Variants in SLC9A7 observed in about 807,000 individuals in gnomAD.
SLC9A7 encodes the protein solute carrier family 9 member A7, also known as sodium/hydrogen exchanger 7.
Under a neutral mutation model 52.6 loss-of-function variants are expected in SLC9A7, and 19 were observed. The ratio of observed to expected loss-of-function variants is 0.36; its 90% confidence interval spans 0.25 to 0.53. The LOEUF (loss-of-function observed/expected upper bound fraction) is 0.53, where lower values mean the gene tolerates loss of function less well. SLC9A7 is among the 20% of genes least tolerant of loss of function. SLC9A7 has a pLI of 0.91. For missense variants in SLC9A7, 455 were observed against 597.9 expected, an observed-to-expected ratio of 0.76 and a Z score of 2.49; for synonymous variants, 226 against 252.1, an observed-to-expected ratio of 0.90 and a Z score of 0.98.
intron 1 of SLC9A7, among the ~76,000 whole-genome samples, chrX:46,702,535 GT>G (rs1242622841): frequency 1.8e-5 from 2 of 111,749 alleles, no homozygotes; most frequent in Non-Finnish European, 3.8e-5. Flanking sequence ...ACATGCAGTA[GT>G]TGGTTTTCTG....
chrX:46,711,939 C>CACACACACACACA (rs1944697140), intron 1 of SLC9A7, among the ~76,000 whole-genome samples: 1 of 109,413 alleles, frequency 9.1e-6, no homozygotes, highest in African/African-American at 3.3e-5. Flanking sequence ...CACACACACA[C>CACACACACACACA]TTCCACTGAT....
At chrX:46,614,305 T>C (rs1320646517) in intron 15 of SLC9A7, among the ~76,000 whole-genome samples, 3 of 112,007 alleles carry the variant, frequency 2.7e-5, no homozygotes, top group South Asian at 3.7e-4. Context: ...TAGCCTACAG[T>C]TGGGCAACAT....
intron 7 of SLC9A7, among the ~76,000 whole-genome samples, chrX:46,655,110 G>A (rs1393141301): frequency 1.9e-5 from 2 of 106,004 alleles, no homozygotes; most frequent in African/African-American, 3.5e-5. Flanking sequence ...TCAGCCTCCC[G>A]ATTAGCAGGG....
chrX:46,665,794 G>GGC (rs1261905213), intron 5 of SLC9A7, among the ~76,000 whole-genome samples: 2 of 110,627 alleles, frequency 1.8e-5, no homozygotes, highest in Non-Finnish European at 3.8e-5. Context: ...GCCTAGGCTG[G>GGC]AGTGCAGTGG....
chrX:46,664,222 A>G (rs1943880231), intron 5 of SLC9A7, among the ~76,000 whole-genome samples: 1 of 111,207 alleles, frequency 9.0e-6, no homozygotes, highest in African/African-American at 3.3e-5. Context: ...TGCAGAAAGC[A>G]TTACCTCTTC....
intron 1 of SLC9A7, among the ~76,000 whole-genome samples, chrX:46,729,321 T>C (rs190312109): frequency 1.2e-4 from 13 of 112,643 alleles, no homozygotes; most frequent in Admixed American, 1.1e-3. Flanking sequence ...TATTAGATTA[T>C]AACATAATTC....
chrX:46,660,304 G>A (rs1943790481), intron 7 of SLC9A7, among the ~76,000 whole-genome samples: 1 of 111,605 alleles, frequency 9.0e-6, no homozygotes, highest in African/African-American at 3.3e-5. Context: ...CAGGACATAG[G>A]CATGGGTAAG....
chrX:46,623,376 G>A (rs1569502713), intron 14 of SLC9A7, among the ~76,000 whole-genome samples: 1 of 111,601 alleles, frequency 9.0e-6, no homozygotes, highest in African/African-American at 3.3e-5. Context: ...ACCTGGGTTC[G>A]CACCTCATGT....
intron 5 of SLC9A7, among the ~76,000 whole-genome samples, chrX:46,666,051 G>A (rs1330438518): frequency 1.8e-5 from 2 of 111,479 alleles, no homozygotes; most frequent in Admixed American, 1.9e-4. Context: ...TCAGGGACAA[G>A]GATTCTTATT....
At chrX:46,720,447 C>T (rs749033825) in intron 1 of SLC9A7, among the ~76,000 whole-genome samples, 1 of 110,567 alleles carries the variant, frequency 9.0e-6, no homozygotes, top group Non-Finnish European at 1.9e-5. Flanking sequence ...TAACTATCCC[C>T]CCTGCTTCTC....
At chrX:46,740,608 A>G (rs1760527177) in intron 1 of SLC9A7, among the ~76,000 whole-genome samples, 2 of 111,489 alleles carry the variant, frequency 1.8e-5, no homozygotes, top group South Asian at 3.7e-4. Flanking sequence ...GTATATGTAT[A>G]CATTATAATG....
chrX:46,701,388 C>G (rs889713535), intron 1 of SLC9A7, among the ~76,000 whole-genome samples: 59 of 110,964 alleles, frequency 5.3e-4, no homozygotes, highest in African/African-American at 1.8e-3. Flanking sequence ...GAGTTTGAGA[C>G]CAGCCTGGCC....
At chrX:46,626,480 G>A (rs1270052993) in intron 14 of SLC9A7, among the ~76,000 whole-genome samples, 1 of 112,319 alleles carries the variant, frequency 8.9e-6, no homozygotes, top group Non-Finnish European at 1.9e-5. Flanking sequence ...TTGCCATGTT[G>A]GCCAGGCTGG....
intron 1 of SLC9A7, among the ~76,000 whole-genome samples, chrX:46,699,168 G>A (rs1383979305): frequency 8.9e-6 from 1 of 112,049 alleles, no homozygotes; most frequent in African/African-American, 3.2e-5. Context: ...TCAATTTTAA[G>A]TAGTTTCCTC....
chrX:46,684,119 T>C (rs1011502501), intron 1 of SLC9A7, among the ~76,000 whole-genome samples: 87 of 112,582 alleles, frequency 7.7e-4, no homozygotes, highest in African/African-American at 2.6e-3. Flanking sequence ...AACTTAAAAA[T>C]GAGTTTCTTA....
In SLC9A7 at chrX:46,671,748, C is replaced by T. The variant is rs1310561783; in HGVS notation, c.680+803G>A. Among the ~76,000 whole-genome samples the T allele has an allele frequency of 6.2e-5, 7 of 112,105 alleles. No homozygotes were observed. In the East Asian group the frequency reaches 1.9e-3, roughly 31 times the overall value. ...CCTTCTCATCACAAATATCAAGGTA[C>T]ATACTATCAACGTGACTTACCACTG... On this transcript the variant is annotated intron_variant, in intron 4 of 16. Coordinates refer to ENST00000616978, the MANE Select transcript of SLC9A7 (RefSeq NM_001257291.2).
chrX:46,678,804 T>C (rs965718547), intron 3 of SLC9A7, among the ~76,000 whole-genome samples: 4 of 111,473 alleles, frequency 3.6e-5, no homozygotes, highest in African/African-American at 1.3e-4. Flanking sequence ...TACAGAGAGG[T>C]CTCATGTAGC....
chrX:46,631,764 G>A, intron 13 of SLC9A7, 115 bp from the exon 14 acceptor site: 1 of 552,116 alleles, frequency 1.8e-6, no homozygotes, highest in Non-Finnish European at 3.0e-6. Context: ...GAAGCATAAG[G>A]AGTGGTTAGC....
intron 4 of SLC9A7, among the ~76,000 whole-genome samples, chrX:46,669,971 C>T (rs1318262853): frequency 8.9e-6 from 1 of 112,097 alleles, no homozygotes; most frequent in Non-Finnish European, 1.9e-5. Context: ...ACTAAAGCAA[C>T]CATGAAGCAC....
Sources: allele counts gnomAD v4.1 joint callset (sites outside exome capture counted in the v4.1 genomes callset), GRCh38; gene constraint gnomAD v4.1.1; transcripts MANE v1.5; gene names NCBI Gene and HGNC (gene_info 2026-07-23, HGNC 2026-07-21).